CPB1: variants seen among roughly 807,000 people sequenced by gnomAD.
CPB1 encodes carboxypeptidase B.
CPB1 carries 53 observed loss-of-function variants against 51.4 expected under a neutral mutation model. That is an observed-to-expected ratio of 1.03 (90% CI 0.83 to 1.30). The LOEUF (loss-of-function observed/expected upper bound fraction) is 1.30, where lower values mean the gene tolerates loss of function less well. Among genes scored for constraint, CPB1 ranks in the 50% most tolerant of loss-of-function variants. CPB1 has a pLI of 0.00. For missense variants in CPB1, 494 were observed against 516.2 expected, an observed-to-expected ratio of 0.96 and a Z score of 0.42; for synonymous variants, 189 against 186.9, an observed-to-expected ratio of 1.01 and a Z score of -0.09.
At chr3:148,857,747 A>T (rs1713624986) in intron 10 of CPB1, 1 of 476,212 alleles carries the variant, frequency 2.1e-6, no homozygotes, top group Non-Finnish European at 3.7e-6. Flanking sequence ...TCTAAAAAAA[A>T]TTAAAAAATT....
At chr3:148,851,953 CAACA>C (rs1713443126) in intron 9 of CPB1, 1 of 152,158 alleles carries the variant, frequency 6.6e-6, no homozygotes, top group African/African-American at 2.4e-5. Context: ...GGAATTCAAA[CAACA>C]AACAATTTTT....
chr3:148,836,596 C>T (rs1712912933), intron 3 of CPB1, among the ~76,000 whole-genome samples: 1 of 152,110 alleles, frequency 6.6e-6, no homozygotes, highest in Non-Finnish European at 1.5e-5. Context: ...TAGTGGTGAA[C>T]TTTTTGGGAA....
chr3:148,847,597 A>T (rs1713296279), intron 9 of CPB1, among the ~76,000 whole-genome samples: 1 of 152,088 alleles, frequency 6.6e-6, no homozygotes, highest in South Asian at 2.1e-4. Flanking sequence ...GTTTAAAGTC[A>T]AGGAGAGGTA....
intron 3 of CPB1, among the ~76,000 whole-genome samples, chr3:148,834,974 C>A (rs998642048): frequency 3.3e-5 from 5 of 152,190 alleles, no homozygotes; most frequent in African/African-American, 1.2e-4. Context: ...ATCAGCTCTT[C>A]TTTCCAGGGG....
At chr3:148,841,985 C>T in intron 6 of CPB1, 61 bp downstream of exon 6, 1 of 1,228,192 alleles carries the variant, frequency 8.1e-7, no homozygotes, top group South Asian at 1.3e-5. Context: ...CAATTAATTC[C>T]TTAAAACCTA....
At chr3:148,828,975 T>G (rs1712652183) in intron 2 of CPB1, among the ~76,000 whole-genome samples, 1 of 152,114 alleles carries the variant, frequency 6.6e-6, no homozygotes, top group South Asian at 2.1e-4. Flanking sequence ...GGAAACAGCA[T>G]CCCCAGTTAC....
At chr3:148,853,392 T>A (rs1711581541) in intron 9 of CPB1, among the ~76,000 whole-genome samples, 1 of 152,132 alleles carries the variant, frequency 6.6e-6, no homozygotes, top group Non-Finnish European at 1.5e-5. Context: ...GAAAAGAATA[T>A]CCTCTCCTTA....
intron 2 of CPB1, among the ~76,000 whole-genome samples, chr3:148,834,037 T>C (rs1712819898): frequency 6.6e-6 from 1 of 152,202 alleles, no homozygotes; most frequent in Non-Finnish European, 1.5e-5. Flanking sequence ...GTTCCACATA[T>C]TACTGTGACT....
At chr3:148,836,512 A>T (rs1270400702) in intron 3 of CPB1, among the ~76,000 whole-genome samples, 2 of 152,186 alleles carry the variant, frequency 1.3e-5, no homozygotes, top group Non-Finnish European at 2.9e-5. Flanking sequence ...TACCCTTATC[A>T]CAAAACAGTA....
At chr3:148,833,306 A>C (rs1712794650) in intron 2 of CPB1, among the ~76,000 whole-genome samples, 1 of 152,040 alleles carries the variant, frequency 6.6e-6, no homozygotes, top group Non-Finnish European at 1.5e-5. Context: ...CATTGCCCTG[A>C]CATTCCTTAT....
rs191611608 is a variant in CPB1, at chr3:148,857,501, C to T, written c.1026C>T (p.His342=). 1.5e-5 allele frequency: 25 copies of T among 1,613,838 alleles called. No individual in the cohort carries two copies. The highest frequency in any genetic ancestry group is 1.5e-4 in the African/African-American group (11 of 75,000). Residue 342 remains histidine, a synonymous_variant, in exon 10 of 11, where the codon CAC becomes CAT. Coordinates refer to ENST00000282957, the MANE Select transcript of CPB1 (RefSeq NM_001871.3). ...CTGTGAAAGAACTTGCCTCACTGCA[C>T]GGCACCAAGTACACATATGGCCCGG... ...KATVKELASL[H]GTKYTYGPGA...
At chr3:148,858,294 C>T (rs1389880444) in intron 10 of CPB1, among the ~76,000 whole-genome samples, 1 of 151,960 alleles carries the variant, frequency 6.6e-6, no homozygotes, top group Non-Finnish European at 1.5e-5. Flanking sequence ...TGTTTTCAGC[C>T]GGGTGCAGTG....
At chr3:148,851,247 T>TG in intron 9 of CPB1, 1 of 143,206 alleles carries the variant, frequency 7.0e-6, no homozygotes, top group Non-Finnish European at 1.5e-5. Context: ...GGCATGAGAA[T>TG]CCATTTGAAC....
At chr3:148,832,986 G>A (rs1057466340) in intron 2 of CPB1, among the ~76,000 whole-genome samples, 1 of 152,122 alleles carries the variant, frequency 6.6e-6, no homozygotes, top group African/African-American at 2.4e-5. Flanking sequence ...AGAATGACAG[G>A]TGTTTATTAG....
intron 2 of CPB1, among the ~76,000 whole-genome samples, chr3:148,831,769 C>T (rs1371289453): frequency 6.6e-6 from 1 of 151,998 alleles, no homozygotes; most frequent in East Asian, 1.9e-4. Flanking sequence ...AGTTTAATTC[C>T]CTACATCTAC....
chr3:148,847,271 A>G (rs905955182), intron 9 of CPB1, among the ~76,000 whole-genome samples: 49 of 151,250 alleles, frequency 3.2e-4, no homozygotes, highest in African/African-American at 1.0e-3. Context: ...TATTGGAGGA[A>G]TAAGTTTAAG....
chr3:148,830,670 G>A (rs115651342), intron 2 of CPB1, among the ~76,000 whole-genome samples: 2,155 of 152,086 alleles, frequency 0.014, 53 homozygotes, highest in African/African-American at 0.049. Context: ...TTCCAAAGAA[G>A]GTATTTCTGT....
Position 148,844,507 on chromosome 3 carries a change from A to T in CPB1, c.606A>T (p.Gln202His). 1 of 1,613,908 alleles carries T rather than the reference A, an allele frequency of 6.2e-7. No individual in the cohort carries two copies. The highest frequency in any genetic ancestry group is 8.5e-7 in the Non-Finnish European group (1 of 1,179,830). ...TTCGTACCTATGGACGTGAGATCCA[A>T]GTGACAGAGCTTCTCGACAAGTTAG... The part of the protein sequence containing the change: ...EAVRTYGREI[Q>H]VTELLDKLDF... The change falls in exon 7 of 11, where the codon CAA (glutamine) becomes CAT (histidine). Residue 202 changes from glutamine to histidine, a missense_variant. Physicochemically the swap from Gln to His is conservative, Grantham distance 24 (BLOSUM62 0). Transcript: ENST00000282957.
At chr3:148,840,814 A>G in intron 4 of CPB1, 29 bp downstream of exon 4, 1 of 1,613,482 alleles carries the variant, frequency 6.2e-7, no homozygotes, top group Non-Finnish European at 8.5e-7. Context: ...TTAGACAGAT[A>G]TTACTTTGGG....
Sources: gnomAD v4.1 joint callset for allele counts (sites outside exome capture counted in the v4.1 genomes callset) on GRCh38, gnomAD v4.1.1 for gene constraint, MANE v1.5 for transcripts, NCBI Gene and HGNC (gene_info 2026-07-23, HGNC 2026-07-21) for gene names.